EFR3B: variants seen among roughly 807,000 people sequenced by gnomAD.
EFR3B encodes protein EFR3 homolog B.
A neutral mutation model predicts 104.7 loss-of-function variants in EFR3B; 64 were observed. The ratio of observed to expected loss-of-function variants is 0.61; its 90% confidence interval spans 0.50 to 0.75. EFR3B has a LOEUF of 0.75. Ranked by LOEUF, EFR3B falls within the 30% of genes least tolerant of loss-of-function variation. The pLI is 0.00. For synonymous variants in EFR3B, 385 were observed against 417.9 expected, an observed-to-expected ratio of 0.92 and a Z score of 0.96; for missense variants, 750 against 1,078.5, an observed-to-expected ratio of 0.70 and a Z score of 4.27.
intron 12 of EFR3B, 108 bp from the exon 13 acceptor site, chr2:25,135,357 TAG>T: frequency 7.7e-7 from 1 of 1,301,262 alleles, no homozygotes; most frequent in Non-Finnish European, 1.1e-6. Flanking sequence ...GGGCGATGTC[TAG>T]AGAGGATGTG....
intron 21 of EFR3B, among the ~76,000 whole-genome samples, chr2:25,152,782 A>G (rs1156554515): frequency 6.6e-6 from 1 of 151,416 alleles, no homozygotes; most frequent in Non-Finnish European, 1.5e-5. Flanking sequence ...TATAATATGT[A>G]TAAATATTTT....
intron 15 of EFR3B, among the ~76,000 whole-genome samples, chr2:25,138,193 T>TA (rs1321105357): frequency 6.6e-6 from 1 of 152,060 alleles, no homozygotes; most frequent in Non-Finnish European, 1.5e-5. Flanking sequence ...AATTAAAAAT[T>TA]AAAAAAAGAT....
rs1671024893 is a variant in EFR3B at position 25,152,021 on chromosome 2, G to C, written c.2298+1G>C. 6.4e-7 allele frequency: 1 copy of C among 1,551,442 alleles called. No homozygotes were observed. Among genetic ancestry groups the C allele is most frequent in the African/African-American group, 1.4e-5 (1 of 73,048 alleles). On this transcript the variant is annotated splice_donor_variant, in intron 21 of 22. Transcript: ENST00000403714. LOFTEE classifies it high-confidence loss of function. Reference sequence around the variant, plus strand: ...GATTGCTGCACACTGCGGGGCCCGGGTAAGTGAAGCATGACATGGGCGAGT... The same window carrying C: ...GATTGCTGCACACTGCGGGGCCCGGCTAAGTGAAGCATGACATGGGCGAGT...
intron 3 of EFR3B, among the ~76,000 whole-genome samples, chr2:25,098,820 G>T (rs1669351732): frequency 1.4e-5 from 2 of 142,542 alleles, no homozygotes; most frequent in Non-Finnish European, 1.5e-5. Flanking sequence ...TCCACTCCTG[G>T]TAAGTAGCCA....
chr2:25,115,612 G>A (rs931711977), intron 4 of EFR3B, among the ~76,000 whole-genome samples: 8 of 152,190 alleles, frequency 5.3e-5, no homozygotes, highest in South Asian at 4.1e-4. Flanking sequence ...GGGTCTTGGC[G>A]GCTGTGATTA....
intron 1 of EFR3B, among the ~76,000 whole-genome samples, chr2:25,048,980 A>C (rs1263207874): frequency 6.6e-6 from 1 of 151,964 alleles, no homozygotes; most frequent in African/African-American, 2.4e-5. Flanking sequence ...AATTGTTTTC[A>C]GTTTGTATCC....
chr2:25,144,982 G>T lies in EFR3B; in HGVS notation c.2073G>T (p.Arg691Ser). Residue 691 changes from arginine to serine, a missense_variant, in exon 19 of 23, where the codon AGG (arginine) becomes AGT (serine). Coordinates refer to ENST00000403714, the MANE Select transcript of EFR3B (RefSeq NM_014971.2). ...CAGATGAGGATCGTTTATCCAAGAGGAGGAGCATTGGAGAGACCATCTCCC... is the reference window on the plus strand; with the variant it reads ...CAGATGAGGATCGTTTATCCAAGAGTAGGAGCATTGGAGAGACCATCTCCC... ...QLTDEDRLSKRRSIGETISLQ... is the reference protein window; with the variant it reads ...QLTDEDRLSKSRSIGETISLQ... 2.6e-6 allele frequency: 4 copies of T among 1,551,760 alleles called. No individual in the cohort carries two copies. The highest frequency in any genetic ancestry group is 3.5e-6 in the Non-Finnish European group (4 of 1,147,004).
chr2:25,080,437 G>A (rs1373943843), intron 1 of EFR3B, among the ~76,000 whole-genome samples: 1 of 151,752 alleles, frequency 6.6e-6, no homozygotes, highest in African/African-American at 2.4e-5. Context: ...TGGGATTACA[G>A]GTGTCCGCCA....
At chr2:25,141,850 G>T (rs1466603910) in intron 17 of EFR3B, among the ~76,000 whole-genome samples, 3 of 152,194 alleles carry the variant, frequency 2.0e-5, no homozygotes, top group Non-Finnish European at 2.9e-5. Flanking sequence ...TCTAACAGTA[G>T]GGGATGGCTT....
intron 1 of EFR3B, among the ~76,000 whole-genome samples, chr2:25,089,482 A>G (rs927695438): frequency 2.0e-5 from 3 of 152,178 alleles, no homozygotes; most frequent in South Asian, 2.1e-4. Flanking sequence ...AAAAGGGCCA[A>G]TGTTCCTGGT....
chr2:25,128,367 T>A (rs776973621), intron 6 of EFR3B, 35 bp downstream of exon 6: 175 of 1,550,452 alleles, frequency 1.1e-4, no homozygotes, highest in Middle Eastern at 1.7e-4. Flanking sequence ...ACAGTAGATA[T>A]AATCAACCCT....
At chr2:25,101,674 T>G (rs188088692) in intron 3 of EFR3B, among the ~76,000 whole-genome samples, 2 of 152,284 alleles carry the variant, frequency 1.3e-5, no homozygotes, top group Admixed American at 1.3e-4. Flanking sequence ...ATGGCAATGT[T>G]TTAGTCATGT....
intron 1 of EFR3B, among the ~76,000 whole-genome samples, chr2:25,052,697 G>A (rs1467089900): frequency 6.6e-6 from 1 of 151,880 alleles, no homozygotes; most frequent in African/African-American, 2.4e-5. Context: ...TCGAGACGGG[G>A]TTTAACCATG....
intron 1 of EFR3B, among the ~76,000 whole-genome samples, chr2:25,071,537 G>A (rs955906153): frequency 3.3e-5 from 5 of 152,144 alleles, no homozygotes; most frequent in Admixed American, 6.5e-5. Context: ...GGGATTACAG[G>A]TGTGAGCCAC....
At position 25,137,870 on chromosome 2, in the gene EFR3B, A is replaced by G. The variant is rs1003618647; in HGVS notation, c.1722+368A>G. Among the ~76,000 whole-genome samples the G allele has an allele frequency of 6.6e-6, 1 of 152,204 alleles. No individual in the cohort carries two copies. Among genetic ancestry groups the G allele is most frequent in the Non-Finnish European group, 1.5e-5 (1 of 68,030 alleles). On this transcript the variant is annotated intron_variant, in intron 15 of 22. Coordinates refer to ENST00000403714, the MANE Select transcript of EFR3B (RefSeq NM_014971.2). This position sits in a 1 kb window ranked among gnomAD's most constrained non-coding sequence, Gnocchi z 4.7. The stretch of plus-strand genomic sequence containing the variant: ...TGATCCCAGACAAACTCATTTGTCT[A>G]AAGATTCTCTGGTTCCCTTGGCCGG...
intron 16 of EFR3B, among the ~76,000 whole-genome samples, chr2:25,140,814 G>A (rs922456171): frequency 1.3e-5 from 2 of 152,178 alleles, no homozygotes; most frequent in African/African-American, 2.4e-5. Flanking sequence ...GCCAAGGCAG[G>A]TGGATCACTT....
chr2:25,149,854 T>C (rs1349519925), intron 20 of EFR3B, 112 bp downstream of exon 20: 1 of 962,524 alleles, frequency 1.0e-6, no homozygotes, highest in Non-Finnish European at 1.6e-6. Flanking sequence ...ATCCAGCACC[T>C]GCGTGAAGGG....
chr2:25,096,130 C>G (rs960507734), intron 3 of EFR3B, among the ~76,000 whole-genome samples: 1 of 152,156 alleles, frequency 6.6e-6, no homozygotes, highest in African/African-American at 2.4e-5. Flanking sequence ...ATTCTCCTGC[C>G]TCAGCCTCCT....
intron 1 of EFR3B, chr2:25,080,112 C>G (rs775952176): frequency 9.9e-7 from 1 of 1,013,002 alleles, no homozygotes; most frequent in Non-Finnish European, 1.6e-6. Flanking sequence ...CTTTTACTGC[C>G]GTGACTATAC....
Sources: gnomAD v4.1 joint callset for allele counts (sites outside exome capture counted in the v4.1 genomes callset) on GRCh38, gnomAD v4.1.1 for gene constraint, Gnocchi (gnomAD v3.1) non-coding constraint, MANE v1.5 for transcripts, NCBI Gene and HGNC (gene_info 2026-07-23, HGNC 2026-07-21) for gene names.